Variants in COASY observed in about 807,000 individuals in gnomAD.
COASY encodes Coenzyme A synthase.
COASY carries 31 observed loss-of-function variants against 49.4 expected under a neutral mutation model. That is an observed-to-expected ratio of 0.63 (90% CI 0.47 to 0.85). The LOEUF is 0.85. Among genes scored for constraint, COASY ranks in the 40% least tolerant of loss-of-function variants. The pLI is 0.00. For synonymous variants in COASY, 285 were observed against 310.9 expected (o/e 0.92, Z 0.88); for missense variants, 730 against 734.1 (o/e 0.99, Z 0.06).
chr17:42,565,568 G>A lies in COASY; in HGVS notation c.1485G>A (p.Glu495=), dbSNP rs769141286. The A allele has an allele frequency of 5.6e-6, 9 of 1,614,014 alleles. No individual in the cohort carries two copies. The highest frequency in any genetic ancestry group is 7.6e-6 in the Non-Finnish European group (9 of 1,180,010). Residue 495 remains glutamate, a splice_region_variant and synonymous_variant, in exon 7 of 9, where the codon GAG becomes GAA. Coordinates refer to ENST00000393818, the MANE Select transcript of COASY (RefSeq NM_025233.7). ...EVWTAVIPET[E]AVRRIVERDG... is the part of the protein sequence containing the mutation. ...GGACTGCTGTCATCCCAGAGACTGA[G>A]GTATCTCGCCCCACCCCCCACACCA...
At chr17:42,563,771 GGAGT>G in intron 1 of COASY, 186 bp from the exon 2 acceptor site, 1 of 587,016 alleles carries the variant, frequency 1.7e-6, no homozygotes, top group Non-Finnish European at 3.0e-6. Flanking sequence ...GCCAGCCCTT[GGAGT>G]GACTATTGTG....
At position 42,562,447 on chromosome 17, in the gene COASY, C is replaced by A. The variant is rs528235676; in HGVS notation, c.-176C>A. ...CAAGGCTTAGAGCACAGCCCCGAGG[C>A]GCCGTCTACCAGGCCCCGTCCCCTC... On this transcript the variant is annotated 5_prime_UTR_variant, in exon 1 of 9. Transcript: ENST00000393818. The A allele has an allele frequency of 3.1e-6, 5 of 1,613,836 alleles. No homozygotes were observed. The African/African-American group carries it at 5.3e-5, about 17-fold the overall frequency.
In COASY at chr17:42,564,136, T is replaced by A. The variant is rs1597713743; in HGVS notation, c.876T>A (p.Tyr292Ter). The A allele has an allele frequency of 6.2e-7, 1 of 1,614,010 alleles. No individual in the cohort carries two copies. The highest frequency in any genetic ancestry group is 1.1e-5 in the South Asian group (1 of 91,074). Residue 292 changes from tyrosine (Y) to a stop codon, truncating the protein, a stop_gained, in exon 2 of 9, where the codon TAT becomes TAA. Coordinates refer to ENST00000393818, the MANE Select transcript of COASY (RefSeq NM_025233.7). LOFTEE classifies it high-confidence loss of function. Reference sequence around the variant, plus strand: ...TCCTGGTGGTCAGCGAGGAGACCTATCGTGGGGGGATGGCCATCAACCGCT... The same window carrying A: ...TCCTGGTGGTCAGCGAGGAGACCTAACGTGGGGGGATGGCCATCAACCGCT... ...LEFLVVSEET[Y>*]RGGMAINRFR...
chr17:42,565,618 G>C, intron 7 of COASY, 41 bp from the exon 8 acceptor site: 1 of 1,613,978 alleles, frequency 6.2e-7, no homozygotes, highest in Non-Finnish European at 8.5e-7. Context: ...CCTATCCTGT[G>C]AGCTGGAATT....
At chr17:42,564,618 G>A (rs749588993) in intron 3 of COASY, 41 bp downstream of exon 3, 5 of 1,581,920 alleles carry the variant, frequency 3.2e-6, no homozygotes, top group Admixed American at 3.5e-5. Flanking sequence ...TGGTGTCCTG[G>A]CAATGCTGGA....
In COASY at chr17:42,562,733, C is replaced by CT. The variant is rs1310940341; in HGVS notation, c.112dup (p.Tyr38LeufsTer26). On this transcript the variant is annotated frameshift_variant, in exon 1 of 9. Transcript: ENST00000393818. LOFTEE classifies it high-confidence loss of function. ...CGGCCCGGCTGGTGAATCACACACT[C>CT]TATGTTCACCTGCAGCCGGGCATGA... 1.9e-6 allele frequency: 3 copies of CT among 1,588,850 alleles called. No individual in the cohort carries two copies. The highest frequency in any genetic ancestry group is 1.1e-5 in the South Asian group (1 of 89,920).
rs747923685 is a variant in COASY, at chr17:42,562,910, TCTCC to T, written c.294_297del (p.Pro99CysfsTer16). On this transcript the variant is annotated frameshift_variant, in exon 1 of 9. Coordinates refer to ENST00000393818, the MANE Select transcript of COASY (RefSeq NM_025233.7). LOFTEE classifies it high-confidence loss of function. ...CCAATATCCGAACCAAGAGCACCTT[TCTCC>T]CTCCCCTGCCCACCTCAGTCCAGAA... The T allele has an allele frequency of 2.2e-5, 36 of 1,611,248 alleles. No individual in the cohort carries two copies. Among genetic ancestry groups the T allele is most frequent in the Non-Finnish European group, 2.5e-5 (30 of 1,177,720 alleles).
Position 42,562,460 on chromosome 17 carries a change from GCCCCGTC to G in COASY, c.-159_-153del, listed in dbSNP as rs1395232542. 2.5e-6 allele frequency: 4 copies of G among 1,613,804 alleles called. No homozygotes were observed. The highest frequency in any genetic ancestry group is 3.4e-6 in the Non-Finnish European group (4 of 1,179,850). ...ACAGCCCCGAGGCGCCGTCTACCAG[GCCCCGTC>G]CCCTCCCCCGGCTCCTGTCGGTCAG... On this transcript the variant is annotated 5_prime_UTR_variant, in exon 1 of 9. The change abolishes the stop of an existing upstream ORF in the 5' untranslated region. Coordinates refer to ENST00000393818, the MANE Select transcript of COASY (RefSeq NM_025233.7).
chr17:42,563,539 T>A (rs373947743), intron 1 of COASY: 1 of 570,766 alleles, frequency 1.8e-6, no homozygotes. Context: ...ATACCCCAAA[T>A]GTGAAGCAAA....
rs530895861 is a variant in COASY at position 42,562,949 on chromosome 17, C to T, written c.327C>T (p.His109=). The change falls in exon 1 of 9, where the codon CAC becomes CAT. Residue 109 remains histidine (H), a synonymous_variant. Transcript: ENST00000393818. ...CCACCTCAGTCCAGAATCTCGCCCACCCGCCAGAAGTCGTGTTGACAGATT... is the reference window on the plus strand; with the variant it reads ...CCACCTCAGTCCAGAATCTCGCCCATCCGCCAGAAGTCGTGTTGACAGATT... ...PLPTSVQNLA[H]PPEVVLTDFQ... The T allele has an allele frequency of 5.6e-6, 9 of 1,613,902 alleles. No homozygotes were observed. The highest frequency in any genetic ancestry group is 4.5e-5 in the East Asian group (2 of 44,874).
rs368716842 is a variant in COASY, at chr17:42,565,054, A to G, written c.1302+7A>G. On this transcript the variant is annotated splice_region_variant and intron_variant, in intron 5 of 8. Transcript: ENST00000393818. ...CCGGGTGTTTGGGAATAAGGTAAAC[A>G]ATAACTTCCTAAGGGCTCCTAAGCC... 274 of 1,613,908 alleles carry G rather than the reference A, an allele frequency of 1.7e-4. No individual in the cohort carries two copies. The highest frequency in any genetic ancestry group is 8.2e-4 in the Middle Eastern group (5 of 6,082).
rs1270985825 is a variant in COASY at position 42,562,413 on chromosome 17, TGAG to T, written c.-207_-205del. On this transcript the variant is annotated 5_prime_UTR_variant, in exon 1 of 9. Transcript: ENST00000393818. ...CGAAGTCACCGCCCCGTCTGAGAAA[TGAG>T]GACACCAAGGCTTAGAGCACAGCCC... 5 of 1,613,626 alleles carry T rather than the reference TGAG, an allele frequency of 3.1e-6. No individual in the cohort carries two copies. The highest frequency in any genetic ancestry group is 1.7e-5 in the Admixed American group (1 of 60,002).
chr17:42,563,050 G>A lies in COASY; in HGVS notation c.428G>A (p.Cys143Tyr). The A allele has an allele frequency of 6.2e-7, 1 of 1,614,168 alleles. No homozygotes were observed. ...LVRYATSCYSCCPRLASVLLY... is the reference protein window; with the variant it reads ...LVRYATSCYSYCPRLASVLLY... ...CGTTACGCCACCAGCTGTTACAGCTGTTGTCCGCGACTGGCCTCGGTGCTG... is the reference window on the plus strand; with the variant it reads ...CGTTACGCCACCAGCTGTTACAGCTATTGTCCGCGACTGGCCTCGGTGCTG... The change falls in exon 1 of 9, where the codon TGT becomes TAT. Residue 143 changes from cysteine (C) to tyrosine (Y), a missense_variant. Coordinates refer to ENST00000393818, the MANE Select transcript of COASY (RefSeq NM_025233.7).
At chr17:42,563,929 G>T (rs368104356) in intron 1 of COASY, 32 bp from the exon 2 acceptor site, 1 of 1,546,830 alleles carries the variant, frequency 6.5e-7, no homozygotes, top group African/African-American at 1.4e-5. Context: ...CCAATAAAAA[G>T]ATCTCACTGT....
In COASY at chr17:42,564,511, A is replaced by T. The variant is rs902304931; in HGVS notation, c.981A>T (p.Glu327Asp). 2.5e-6 allele frequency: 4 copies of T among 1,613,482 alleles called. No homozygotes were observed. Among genetic ancestry groups the T allele is most frequent in the Non-Finnish European group, 3.4e-6 (4 of 1,179,686 alleles). Reference sequence around the variant, plus strand: ...AGGACCTCAGACATACAGAGAATGAAGAGGACAAAGTCAGCTCCTCCAGCT... The same window carrying T: ...AGGACCTCAGACATACAGAGAATGATGAGGACAAAGTCAGCTCCTCCAGCT... ...LLKDLRHTENEEDKVSSSSFR... is the reference protein window; with the variant it reads ...LLKDLRHTENDEDKVSSSSFR... Residue 327 changes from glutamate to aspartate, a missense_variant, in exon 3 of 9, where the codon GAA (glutamate) becomes GAT (aspartate). Glu to Asp is a conservative substitution (Grantham distance 45, BLOSUM62 2). Transcript: ENST00000393818.
rs888286330 is a variant in COASY, at chr17:42,563,844, A to C, written c.701-117A>C. 4 of 747,778 alleles carry C rather than the reference A, an allele frequency of 5.3e-6. No homozygotes were observed. In the South Asian group the frequency reaches 7.2e-5, roughly 13 times the overall value. The allele number at this position is 747,778 out of a possible 1,614,324, so 46.3% of individuals were successfully genotyped here. ...CCATCACCATAGGCCTTACCAGTTGAACCCTTTCTGCCACCCCCTCTGGGG... is the reference window on the plus strand; with the variant it reads ...CCATCACCATAGGCCTTACCAGTTGCACCCTTTCTGCCACCCCCTCTGGGG... On this transcript the variant is annotated intron_variant, in intron 1 of 8. Transcript: ENST00000393818.
At position 42,564,753 on chromosome 17, in the gene COASY, T is replaced by G; in HGVS notation, c.1092T>G (p.Thr364=). The G allele has an allele frequency of 6.5e-7, 1 of 1,530,484 alleles. No homozygotes were observed. Among genetic ancestry groups the G allele is most frequent in the Admixed American group, 2.2e-5 (1 of 44,990 alleles). 94.8% of individuals were successfully genotyped at this position (1,530,484 alleles called of 1,614,324 possible). A position where few individuals can be genotyped will look rare whatever the true frequency, so the allele number is the denominator to read the frequency against. Residue 364 remains threonine (T), a synonymous_variant, in exon 4 of 9, where the codon ACT becomes ACG. Coordinates refer to ENST00000393818, the MANE Select transcript of COASY (RefSeq NM_025233.7). ...LPTCLYVIGL[T]GISGSGKSSI... Reference sequence around the variant, plus strand: ...CATGTCTCTATGTAATTGGGCTGACTGGCATCAGTGGCTCTGGGAAGAGCT... The same window carrying G: ...CATGTCTCTATGTAATTGGGCTGACGGGCATCAGTGGCTCTGGGAAGAGCT...
Position 42,563,320 on chromosome 17 carries a change from AGAGT to A in COASY, c.700+3_700+6del, listed in dbSNP as rs770407833. 3 of 1,579,190 alleles carry A rather than the reference AGAGT, an allele frequency of 1.9e-6. No homozygotes were observed. Among genetic ancestry groups the A allele is most frequent in the South Asian group, 1.1e-5 (1 of 89,804 alleles). ...GGAGTAGCAGACAAAGATCTGTTGAAGAGTGAGTAAGAGGGACCCTGGACTAGGG... is the reference window on the plus strand; with the variant it reads ...GGAGTAGCAGACAAAGATCTGTTGAAGAGTAAGAGGGACCCTGGACTAGGG... On this transcript the variant is annotated splice_donor_variant and coding_sequence_variant, in exon 1 of 9. Coordinates refer to ENST00000393818, the MANE Select transcript of COASY (RefSeq NM_025233.7). LOFTEE classifies it high-confidence loss of function.
rs1022433060 is a variant in COASY, at chr17:42,563,959, A to C, written c.701-2A>C. ...CACTGTTCTTCTGGGCTCCTTCCCC[A>C]GGCAAGTTGCTCCCTGAGCTGCTCC... is the stretch of plus-strand genomic sequence containing the variant. On this transcript the variant is annotated splice_acceptor_variant, in intron 1 of 8. Transcript: ENST00000393818. LOFTEE classifies it high-confidence loss of function. 3 of 1,597,696 alleles carry C rather than the reference A, an allele frequency of 1.9e-6. No individual in the cohort carries two copies. Among genetic ancestry groups the C allele is most frequent in the African/African-American group, 2.7e-5 (2 of 74,462 alleles).
Sources: allele counts gnomAD v4.1 joint callset, GRCh38; gene constraint gnomAD v4.1.1; transcripts MANE v1.5; gene names NCBI Gene and HGNC (gene_info 2026-07-23, HGNC 2026-07-21).